RLN2: variants seen among roughly 807,000 people sequenced by gnomAD.
RLN2 encodes prorelaxin H2.
In RLN2, 10 loss-of-function variants were observed where a neutral mutation model predicts 7.3. The observed-to-expected ratio is 1.36, with a 90% CI of 0.84 to 2.31. The LOEUF (loss-of-function observed/expected upper bound fraction) is 2.31. Among genes scored for constraint, RLN2 ranks in the 30% most tolerant of loss-of-function variants. The pLI, the probability that RLN2 is intolerant of heterozygous loss-of-function variation, is 0.00. For missense variants in RLN2, 298 were observed against 217.6 expected (o/e 1.37, Z -2.32); for synonymous variants, 103 against 82.3 (o/e 1.25, Z -1.36).
the RLN2 span, among the ~76,000 whole-genome samples, chr9:5,326,560 A>T: frequency 2.6e-5 from 4 of 152,046 alleles, no homozygotes; most frequent in South Asian, 8.3e-4. Flanking sequence ...AGCATAGGGC[A>T]GTGATGGACA....
chr9:5,312,413 T>C, the RLN2 span, among the ~76,000 whole-genome samples: 1 of 152,072 alleles, frequency 6.6e-6, no homozygotes, highest in Non-Finnish European at 1.5e-5. Context: ...CGTTTCTAGA[T>C]TGTGGATCTT....
chr9:5,310,159 G>C, the RLN2 span, among the ~76,000 whole-genome samples: 3 of 151,938 alleles, frequency 2.0e-5, no homozygotes, highest in Non-Finnish European at 4.4e-5. Context: ...GTTTTAGAGA[G>C]GGCTTGGGGT....
chr9:5,336,585 T>C, the RLN2 span, among the ~76,000 whole-genome samples: 1 of 152,106 alleles, frequency 6.6e-6, no homozygotes, highest in African/African-American at 2.4e-5. Flanking sequence ...TGTTTCTTGC[T>C]GTCAAAAAAC....
the RLN2 span, among the ~76,000 whole-genome samples, chr9:5,325,346 A>T: frequency 6.6e-6 from 1 of 151,978 alleles, no homozygotes; most frequent in South Asian, 2.1e-4. Context: ...AAAGGCTAGA[A>T]AAAAAAACTA....
chr9:5,328,143 C>A, the RLN2 span, among the ~76,000 whole-genome samples: 1 of 151,820 alleles, frequency 6.6e-6, no homozygotes, highest in East Asian at 1.9e-4. Flanking sequence ...TAACCCATCC[C>A]AAGTAAGTTA....
At chr9:5,326,477 C>G in the RLN2 span, among the ~76,000 whole-genome samples, 89 of 152,176 alleles carry the variant, frequency 5.8e-4, no homozygotes, top group African/African-American at 2.1e-3. Context: ...CTGCTGGTAC[C>G]CAGACTGGCT....
the RLN2 span, among the ~76,000 whole-genome samples, chr9:5,324,025 C>A: frequency 6.6e-6 from 1 of 151,752 alleles, no homozygotes; most frequent in African/African-American, 2.4e-5. Context: ...CCAGTCTGGG[C>A]AACAGAGTAA....
chr9:5,312,518 C>A, the RLN2 span, among the ~76,000 whole-genome samples: 1 of 152,028 alleles, frequency 6.6e-6, no homozygotes, highest in South Asian at 2.1e-4. Flanking sequence ...AATGTCAACC[C>A]TCACTTTAAA....
chr9:5,308,673 T>G (rs1201607405), upstream of RLN2, among the ~76,000 whole-genome samples: 1 of 152,024 alleles, frequency 6.6e-6, no homozygotes, highest in Admixed American at 6.6e-5. Context: ...GGCCTAAAAT[T>G]AATCCCAACA....
At chr9:5,311,356 A>C in the RLN2 span, 1 of 433,686 alleles carries the variant, frequency 2.3e-6, no homozygotes, top group Non-Finnish European at 4.3e-6. Flanking sequence ...ACTGGAACTA[A>C]TGTAGCTGAT....
the RLN2 span, among the ~76,000 whole-genome samples, chr9:5,329,309 CA>C: frequency 0.025 from 1,309 of 53,268 alleles, 21 homozygotes; most frequent in African/African-American, 0.091. Flanking sequence ...GACTCCATCT[CA>C]AAAAAAAAAA....
At chr9:5,334,255 T>A in the RLN2 span, among the ~76,000 whole-genome samples, 1 of 152,032 alleles carries the variant, frequency 6.6e-6, no homozygotes, top group Non-Finnish European at 1.5e-5. Flanking sequence ...CATGGTCCTA[T>A]TTCTAGAAAA....
chr9:5,301,816 T>G (rs890724869), intron 1 of RLN2, among the ~76,000 whole-genome samples: 1 of 151,962 alleles, frequency 6.6e-6, no homozygotes, highest in East Asian at 1.9e-4. Flanking sequence ...ATTCAACAAT[T>G]GGAGTTTGAC....
the RLN2 span, among the ~76,000 whole-genome samples, chr9:5,332,639 TGA>T: frequency 1.1e-4 from 16 of 151,158 alleles, no homozygotes; most frequent in African/African-American, 3.9e-4. Context: ...TTTTTTAATG[TGA>T]TACAGTGTTT....
At chr9:5,315,574 T>C in the RLN2 span, among the ~76,000 whole-genome samples, 11 of 152,012 alleles carry the variant, frequency 7.2e-5, no homozygotes, top group African/African-American at 2.7e-4. Flanking sequence ...GAAAGAGATT[T>C]GAACATCCAG....
At chr9:5,331,260 C>T in the RLN2 span, among the ~76,000 whole-genome samples, 22 of 151,970 alleles carry the variant, frequency 1.4e-4, 1 homozygote, top group African/African-American at 5.3e-4. Flanking sequence ...GGGCTAGCAT[C>T]ATCCTGAAAG....
At chr9:5,306,893 G>T (rs1351088154), upstream of RLN2, among the ~76,000 whole-genome samples, 1 of 152,086 alleles carries the variant, frequency 6.6e-6, no homozygotes, top group East Asian at 1.9e-4. Flanking sequence ...AAGTAGCAGT[G>T]TCTATGTGAC....
the RLN2 span, among the ~76,000 whole-genome samples, chr9:5,317,799 G>A: frequency 6.6e-6 from 1 of 151,880 alleles, no homozygotes; most frequent in African/African-American, 2.4e-5. Flanking sequence ...ATGCTCAGTT[G>A]TATTTATAAT....
chr9:5,336,071 T>G, the RLN2 span, among the ~76,000 whole-genome samples: 1 of 152,022 alleles, frequency 6.6e-6, no homozygotes, highest in African/African-American at 2.4e-5. Context: ...CAATGTTTCG[T>G]GGTGGGAATT....
Sources: gnomAD v4.1 joint callset for allele counts (sites outside exome capture counted in the v4.1 genomes callset) on GRCh38, gnomAD v4.1.1 for gene constraint, MANE v1.5 for transcripts, NCBI Gene and HGNC (gene_info 2026-07-23, HGNC 2026-07-21) for gene names.